Variants in ATP8A1 observed in about 807,000 individuals in gnomAD.
ATP8A1 encodes ATPase phospholipid transporting 8A1.
Under a neutral mutation model 177.7 loss-of-function variants are expected in ATP8A1, and 90 were observed. The observed-to-expected ratio is 0.51, with a 90% CI of 0.43 to 0.60. The LOEUF (loss-of-function observed/expected upper bound fraction) is 0.60. Among genes scored for constraint, ATP8A1 ranks in the 20% least tolerant of loss-of-function variants. The pLI, the probability that ATP8A1 is intolerant of heterozygous loss-of-function variation, is 0.00. For synonymous variants in ATP8A1, 493 were observed against 485.9 expected, an observed-to-expected ratio of 1.01 and a Z score of -0.19; for missense variants, 1,072 against 1,392.8, an observed-to-expected ratio of 0.77 and a Z score of 3.67.
At chr4:42,584,253 G>C (rs887763390) in intron 9 of ATP8A1, among the ~76,000 whole-genome samples, 1 of 151,998 alleles carries the variant, frequency 6.6e-6, no homozygotes, top group African/African-American at 2.4e-5. Flanking sequence ...AGGGGAAGCA[G>C]GGAAAGAAGG....
chr4:42,556,881 G>A (rs183262898), intron 15 of ATP8A1, among the ~76,000 whole-genome samples: 69 of 152,240 alleles, frequency 4.5e-4, no homozygotes, highest in African/African-American at 1.6e-3. Context: ...GGAAAAAAAT[G>A]TGTCCAATAC....
chr4:42,606,103 G>A (rs1735771779), intron 5 of ATP8A1, among the ~76,000 whole-genome samples: 1 of 152,170 alleles, frequency 6.6e-6, no homozygotes, highest in African/African-American at 2.4e-5. Flanking sequence ...ATACTTTAAT[G>A]AATAGCAGAG....
intron 4 of ATP8A1, 79 bp from the exon 5 acceptor site, chr4:42,616,157 A>C (rs961522984): frequency 8.2e-7 from 1 of 1,226,114 alleles, no homozygotes. Context: ...ATACCAAAAA[A>C]GATTTAGCTT....
Position 42,540,881 on chromosome 4 carries a change from C to T in ATP8A1, c.1722+3036G>A, listed in dbSNP as rs148407659. The stretch of plus-strand genomic sequence containing the variant: ...GGAATCAATTCAATGTTTGATAGCC[C>T]GAGTAGGGTGACTATACTCCACAAA... On this transcript the variant is annotated intron_variant, in intron 20 of 36. Coordinates refer to ENST00000381668, the MANE Select transcript of ATP8A1 (RefSeq NM_006095.2). 3.3e-5 allele frequency among the ~76,000 whole-genome samples: 5 copies of T among 152,162 alleles called. No individual in the cohort carries two copies. The South Asian group carries it at 6.2e-4, about 19-fold the overall frequency.
chr4:42,444,722 T>G, intron 31 of ATP8A1, 88 bp from the exon 32 acceptor site: 1 of 1,284,318 alleles, frequency 7.8e-7, no homozygotes, highest in Non-Finnish European at 1.1e-6. Context: ...CAGAGATCTC[T>G]GAATGTAACT....
At chr4:42,542,454 A>C (rs1004832296) in intron 20 of ATP8A1, among the ~76,000 whole-genome samples, 3 of 151,986 alleles carry the variant, frequency 2.0e-5, no homozygotes, top group Admixed American at 1.3e-4. Flanking sequence ...TTATTTATTT[A>C]TTATTATACT....
At chr4:42,630,865 G>T (rs946883197) in intron 1 of ATP8A1, among the ~76,000 whole-genome samples, 2 of 152,152 alleles carry the variant, frequency 1.3e-5, no homozygotes, top group Admixed American at 1.3e-4. Context: ...ACTTTCACTA[G>T]GCTTCAGTTT....
Position 42,555,985 on chromosome 4 carries a change from T to G in ATP8A1, c.1396A>C (p.Asn466His), listed in dbSNP as rs1248729184. The change falls in exon 16 of 37, where the codon AAT (asparagine) becomes CAT (histidine). Residue 466 changes from asparagine to histidine, a missense_variant. Coordinates refer to ENST00000381668, the MANE Select transcript of ATP8A1 (RefSeq NM_006095.2). ...TAACTTACATGATTATTTTGGAGATTTTCCAGCAATGATGAATCACTAAAT... is the reference window on the plus strand; with the variant it reads ...TAACTTACATGATTATTTTGGAGATGTTCCAGCAATGATGAATCACTAAAT... ...KTFSDSSLLE[N>H]LQNNHPTAPI... The G allele has an allele frequency of 6.2e-7, 1 of 1,610,040 alleles. No homozygotes were observed. Among genetic ancestry groups the G allele is most frequent in the Non-Finnish European group, 8.5e-7 (1 of 1,177,782 alleles).
chr4:42,564,530 T>A (rs1683098390), intron 15 of ATP8A1, among the ~76,000 whole-genome samples: 1 of 152,232 alleles, frequency 6.6e-6, no homozygotes, highest in African/African-American at 2.4e-5. Context: ...CCTTTAAGAT[T>A]TGACTGCCCT....
chr4:42,557,680 G>T (rs1577583586), intron 15 of ATP8A1, among the ~76,000 whole-genome samples: 1 of 152,104 alleles, frequency 6.6e-6, no homozygotes, highest in Admixed American at 6.6e-5. Flanking sequence ...AGTAATGAAA[G>T]TTCTGTCAGG....
At position 42,481,426 on chromosome 4, in the gene ATP8A1, C is replaced by G. The variant is rs553952447; in HGVS notation, c.2324+4070G>C. On this transcript the variant is annotated intron_variant, in intron 25 of 36. Transcript: ENST00000381668. ...GGAATCACTGATATTCCAATCTCTT[C>G]ATTTTGTAGGTCACAAAACCAAGGC... 2.0e-5 allele frequency among the ~76,000 whole-genome samples: 3 copies of G among 152,294 alleles called. No homozygotes were observed. The East Asian group carries it at 5.8e-4, about 29-fold the overall frequency.
At chr4:42,466,428 C>T (rs1719774015) in intron 25 of ATP8A1, among the ~76,000 whole-genome samples, 2 of 152,162 alleles carry the variant, frequency 1.3e-5, no homozygotes, top group Admixed American at 6.5e-5. Flanking sequence ...GTGGTAGATA[C>T]TCTGCACAAA....
At position 42,443,817 on chromosome 4, in the gene ATP8A1, G is replaced by GT. The variant is rs1384957028; in HGVS notation, c.3016-146dup. On this transcript the variant is annotated intron_variant, in intron 32 of 36. Transcript: ENST00000381668. ...TAGGAGTTTCTACCTAATTGTGTGTGTTTTTTAATTGGATCTTTAAGTGCT... is the reference window on the plus strand; with the variant it reads ...TAGGAGTTTCTACCTAATTGTGTGTGTTTTTTTAATTGGATCTTTAAGTGCT... 4 of 540,758 alleles carry GT rather than the reference G, an allele frequency of 7.4e-6. No homozygotes were observed. In the East Asian group the frequency reaches 9.0e-5, roughly 12 times the overall value. 33.5% of individuals were successfully genotyped at this position (540,758 alleles called of 1,614,324 possible).
At chr4:42,472,494 A>T (rs992654570) in intron 25 of ATP8A1, 2 of 271,972 alleles carry the variant, frequency 7.4e-6, no homozygotes, top group African/African-American at 4.5e-5. Context: ...CACGCCTGTA[A>T]TCCCAGCACT....
At chr4:42,622,917 G>A (rs1342468847) in intron 4 of ATP8A1, among the ~76,000 whole-genome samples, 2 of 151,430 alleles carry the variant, frequency 1.3e-5, no homozygotes, top group African/African-American at 4.9e-5. Context: ...GCTGAGGCAG[G>A]AGAATCGCTT....
intron 9 of ATP8A1, among the ~76,000 whole-genome samples, chr4:42,584,015 C>T (rs1252899309): frequency 6.6e-6 from 1 of 152,198 alleles, no homozygotes; most frequent in Non-Finnish European, 1.5e-5. Context: ...TTTAGAACAA[C>T]ATATAATTAC....
At position 42,485,646 on chromosome 4, in the gene ATP8A1, C is replaced by A. The variant is rs145068951; in HGVS notation, c.2174G>T (p.Arg725Leu). 6.2e-7 allele frequency: 1 copy of A among 1,610,588 alleles called. No individual in the cohort carries two copies. Among genetic ancestry groups the A allele is most frequent in the Non-Finnish European group, 8.5e-7 (1 of 1,178,912 alleles). ...SLDGTRETLS[R>L]HCTTLGDALR... ...AGCATCACCAAGGGTAGTACAGTGA[C>A]GACTGAGAGTTTCCCTTGTTCCCTG... Residue 725 changes from arginine to leucine, a missense_variant, in exon 25 of 37, where the codon CGT becomes CTT. This residue lies in a region of ATP8A1 where 388 missense variants were observed against 471.7 expected (regional missense o/e 0.82). Coordinates refer to ENST00000381668, the MANE Select transcript of ATP8A1 (RefSeq NM_006095.2).
chr4:42,656,292 C>T (rs1183136457), intron 1 of ATP8A1, among the ~76,000 whole-genome samples: 1 of 152,216 alleles, frequency 6.6e-6, no homozygotes, highest in African/African-American at 2.4e-5. Flanking sequence ...GGTGGGACTC[C>T]GCTGCAGGAG....
At chr4:42,540,403 A>G (rs546125137) in intron 20 of ATP8A1, among the ~76,000 whole-genome samples, 189 of 152,256 alleles carry the variant, frequency 1.2e-3, no homozygotes, top group African/African-American at 4.2e-3. Flanking sequence ...TTACCATTCA[A>G]TCCAGCAATC....
Sources: gnomAD v4.1 joint callset for allele counts (sites outside exome capture counted in the v4.1 genomes callset) on GRCh38, gnomAD v4.1.1 for gene constraint, gnomAD v4.1.1 regional missense constraint, MANE v1.5 for transcripts, NCBI Gene and HGNC (gene_info 2026-07-23, HGNC 2026-07-21) for gene names.